PRKCB: variants seen among roughly 807,000 people sequenced by gnomAD.
PRKCB encodes protein kinase C beta, also known as protein kinase C beta type.
Under a neutral mutation model 81.5 loss-of-function variants are expected in PRKCB, and 13 were observed. The observed-to-expected ratio is 0.16, with a 90% CI of 0.10 to 0.25. The LOEUF is 0.25. Ranked by LOEUF, PRKCB falls within the 10% of genes least tolerant of loss-of-function variation. The probability of loss-of-function intolerance (pLI) is 1.00; values close to 1 mark genes in which losing one functional copy is unlikely to be tolerated. For missense variants in PRKCB, 509 were observed against 875.7 expected, an observed-to-expected ratio of 0.58 and a Z score of 5.29; for synonymous variants, 335 against 321.4, an observed-to-expected ratio of 1.04 and a Z score of -0.45.
rs376323359 is a variant in PRKCB, at chr16:24,162,441, ACT to A, written c.1239+7585_1239+7586del. On this transcript the variant is annotated intron_variant, in intron 10 of 16. Coordinates refer to ENST00000643927, the MANE Select transcript of PRKCB (RefSeq NM_002738.7). ...CAATAGCTCCAAAAAAACAGAGAAGACTTTTTTTTTTTTTTTTTTTTTTTTGA... is the reference window on the plus strand; with the variant it reads ...CAATAGCTCCAAAAAAACAGAGAAGATTTTTTTTTTTTTTTTTTTTTTTGA... Among the ~76,000 whole-genome samples the A allele has an allele frequency of 8.4e-3, 1,007 of 119,724 alleles. 21 individuals are homozygous for A. Among genetic ancestry groups the A allele is most frequent in the African/African-American group, 0.024 (714 of 29,198 alleles). The allele number at this position is 119,724 out of a possible 152,430, so 78.5% of individuals were successfully genotyped here. A position where few individuals can be genotyped will look rare whatever the true frequency, so the allele number is the denominator to read the frequency against.
chr16:23,837,522 T>A (rs1962186717), intron 2 of PRKCB, 116 bp downstream of exon 2: 1 of 1,308,362 alleles, frequency 7.6e-7, no homozygotes, highest in African/African-American at 1.5e-5. Context: ...CGGAGTGACC[T>A]CCCAGGCTAG....
At chr16:23,936,391 T>A (rs1964057859) in intron 2 of PRKCB, among the ~76,000 whole-genome samples, 1 of 152,098 alleles carries the variant, frequency 6.6e-6, no homozygotes, top group Non-Finnish European at 1.5e-5. Context: ...GACAGCTTCC[T>A]TATACTACTT....
chr16:24,070,806 T>A (rs1966098268), intron 5 of PRKCB, among the ~76,000 whole-genome samples: 1 of 152,096 alleles, frequency 6.6e-6, no homozygotes, highest in Admixed American at 6.5e-5. Context: ...CCAGAAAAAT[T>A]AGGAAGTCAT....
intron 10 of PRKCB, among the ~76,000 whole-genome samples, chr16:24,157,203 G>A (rs529380217): frequency 6.6e-6 from 1 of 152,276 alleles, no homozygotes; most frequent in Non-Finnish European, 1.5e-5. Flanking sequence ...CCAGGGAAGA[G>A]AGACTGAGAA....
At chr16:23,917,827 T>G (rs1400340780) in intron 2 of PRKCB, among the ~76,000 whole-genome samples, 1 of 152,234 alleles carries the variant, frequency 6.6e-6, no homozygotes, top group Admixed American at 6.5e-5. Flanking sequence ...GTAAGTGATC[T>G]CGTAAAGCTG....
At chr16:24,029,212 G>A (rs1466639864) in intron 3 of PRKCB, among the ~76,000 whole-genome samples, 5 of 152,166 alleles carry the variant, frequency 3.3e-5, no homozygotes, top group African/African-American at 1.2e-4. Flanking sequence ...TAGCAACTCT[G>A]GTAGGTATGT....
At chr16:23,940,853 A>G (rs1964132879) in intron 2 of PRKCB, among the ~76,000 whole-genome samples, 1 of 151,998 alleles carries the variant, frequency 6.6e-6, no homozygotes, top group East Asian at 1.9e-4. Context: ...GTGATTATTT[A>G]CTCTCTCAGT....
At chr16:24,005,239 C>A (rs1323740602) in intron 3 of PRKCB, among the ~76,000 whole-genome samples, 1 of 149,168 alleles carries the variant, frequency 6.7e-6, no homozygotes, top group East Asian at 2.0e-4. Flanking sequence ...AAAAAAAAAG[C>A]AGACAACAAA....
intron 2 of PRKCB, among the ~76,000 whole-genome samples, chr16:23,983,359 G>A (rs991697305): frequency 9.9e-5 from 15 of 152,164 alleles, no homozygotes; most frequent in African/African-American, 3.1e-4. Flanking sequence ...CAGCTTCTCT[G>A]CACATCATGC....
intron 5 of PRKCB, among the ~76,000 whole-genome samples, chr16:24,088,459 G>A (rs1421408436): frequency 6.6e-6 from 1 of 152,156 alleles, no homozygotes; most frequent in East Asian, 1.9e-4. Context: ...GCACACAGTG[G>A]CTCACACCTG....
chr16:23,994,113 AGGATAACTGT>A (rs750248616), intron 3 of PRKCB, among the ~76,000 whole-genome samples: 2 of 152,226 alleles, frequency 1.3e-5, no homozygotes, highest in African/African-American at 4.8e-5. Context: ...GCTTTTTATC[AGGATAACTGT>A]GCACTAGAGA....
In PRKCB at chr16:23,970,463, C is replaced by G. The variant is rs112562179; in HGVS notation, c.206-18045C>G. Among the ~76,000 whole-genome samples, 570 of 152,282 alleles carry G rather than the reference C, an allele frequency of 3.7e-3. 1 individual carries two copies. Among genetic ancestry groups the G allele is most frequent in the African/African-American group, 0.013 (543 of 41,550 alleles). ...AGGCTTTTGTGTGCTGATGTGCAGG[C>G]AGATACTGGAGCCAGACCGAATTGT... On this transcript the variant is annotated intron_variant, in intron 2 of 16. Transcript: ENST00000643927.
intron 5 of PRKCB, among the ~76,000 whole-genome samples, chr16:24,056,027 G>A (rs1965899340): frequency 6.6e-6 from 1 of 152,200 alleles, no homozygotes; most frequent in South Asian, 2.1e-4. Context: ...ACTGGAGTTT[G>A]GTCCCAGGTC....
chr16:23,840,430 A>G (rs1962244645), intron 2 of PRKCB, among the ~76,000 whole-genome samples: 1 of 152,126 alleles, frequency 6.6e-6, no homozygotes, highest in African/African-American at 2.4e-5. Context: ...GAAGGAAGAA[A>G]GGGGTAAAGA....
At chr16:24,096,398 G>T (rs1024227957) in intron 7 of PRKCB, among the ~76,000 whole-genome samples, 1 of 152,004 alleles carries the variant, frequency 6.6e-6, no homozygotes, top group Admixed American at 6.6e-5. Flanking sequence ...TTTCACTGAC[G>T]TCATCATTTT....
At chr16:23,876,581 T>A (rs1283918265) in intron 2 of PRKCB, among the ~76,000 whole-genome samples, 2 of 93,402 alleles carry the variant, frequency 2.1e-5, no homozygotes, top group African/African-American at 7.1e-5. Flanking sequence ...TTTTTCTTTT[T>A]GAAAAAAAAA....
intron 5 of PRKCB, among the ~76,000 whole-genome samples, chr16:24,092,221 T>C (rs1966384682): frequency 6.6e-6 from 1 of 152,210 alleles, no homozygotes; most frequent in Non-Finnish European, 1.5e-5. Flanking sequence ...TAGTCTACTT[T>C]CTGTCTCTAT....
intron 3 of PRKCB, among the ~76,000 whole-genome samples, chr16:24,019,538 C>T (rs1173742046): frequency 2.6e-5 from 4 of 152,054 alleles, no homozygotes; most frequent in Admixed American, 1.3e-4. Context: ...CCGAAGCAGG[C>T]GGACCACTTG....
intron 2 of PRKCB, among the ~76,000 whole-genome samples, chr16:23,868,909 C>T (rs990125265): frequency 1.9e-4 from 29 of 152,150 alleles, no homozygotes; most frequent in African/African-American, 7.0e-4. Context: ...TTGAGCTTCC[C>T]TGAATGAATC....
Sources: gnomAD v4.1 joint callset for allele counts (sites outside exome capture counted in the v4.1 genomes callset) on GRCh38, gnomAD v4.1.1 for gene constraint, MANE v1.5 for transcripts, NCBI Gene and HGNC (gene_info 2026-07-23, HGNC 2026-07-21) for gene names.